MDN1: variants seen among roughly 807,000 people sequenced by gnomAD.
The protein encoded by MDN1 is midasin.
Under a neutral mutation model 669.2 loss-of-function variants are expected in MDN1, and 266 were observed. That is an observed-to-expected ratio of 0.40 (90% CI 0.36 to 0.44). MDN1 has a LOEUF of 0.44. Among genes scored for constraint, MDN1 ranks in the 20% least tolerant of loss-of-function variants. The pLI is 1.00. For synonymous variants in MDN1, 2,385 were observed against 2,457.1 expected, an observed-to-expected ratio of 0.97 and a Z score of 0.87; for missense variants, 5,940 against 6,754.0, an observed-to-expected ratio of 0.88 and a Z score of 4.22.
At chr6:89,750,218 G>T in intron 24 of MDN1, 136 bp downstream of exon 24, 1 of 841,234 alleles carries the variant, frequency 1.2e-6, no homozygotes, top group Non-Finnish European at 1.8e-6. Flanking sequence ...AACTATCTTA[G>T]CTCAGGCATC....
chr6:89,722,949 A>G lies in MDN1; in HGVS notation c.5967+6T>C, dbSNP rs368912195. 66 of 1,605,758 alleles carry G rather than the reference A, an allele frequency of 4.1e-5. No homozygotes were observed. The African/African-American group carries it at 4.3e-4, about 10-fold the overall frequency. On this transcript the variant is annotated splice_donor_region_variant and intron_variant, in intron 40 of 101. Coordinates refer to ENST00000369393, the MANE Select transcript of MDN1 (RefSeq NM_014611.3). ...AAGAAATACAAATACCAAGCGTGAA[A>G]CTCACCTTTTTTTTGTCCTCTTCGG...
rs144323427 is a variant in MDN1, at chr6:89,802,868, C to A, written c.329+460G>T. 2.0e-5 allele frequency among the ~76,000 whole-genome samples: 3 copies of A among 152,292 alleles called. No individual in the cohort carries two copies. The East Asian group carries it at 5.8e-4, about 29-fold the overall frequency. ...ATCTCTTTAAAAGTCACATTAAAAT[C>A]CAGCTCTAACACAGCTCTTAGTATA... is the stretch of plus-strand genomic sequence containing the variant. On this transcript the variant is annotated intron_variant, in intron 2 of 101. Transcript: ENST00000369393.
chr6:89,682,776 CAA>C (rs1168971439), intron 73 of MDN1, among the ~76,000 whole-genome samples: 3 of 35,282 alleles, frequency 8.5e-5, no homozygotes, highest in Non-Finnish European at 1.1e-4. Context: ...CTCATCTCTA[CAA>C]AAAAAAAAAA....
At chr6:89,727,447 T>G (rs1815310444) in intron 37 of MDN1, among the ~76,000 whole-genome samples, 1 of 152,196 alleles carries the variant, frequency 6.6e-6, no homozygotes, top group Admixed American at 6.5e-5. Context: ...CTCATTTCAG[T>G]AGGTCATTTT....
intron 30 of MDN1, 144 bp downstream of exon 30, chr6:89,743,432 G>A (rs1816398446): frequency 7.4e-6 from 10 of 1,345,186 alleles, no homozygotes; most frequent in Non-Finnish European, 1.0e-5. Context: ...CAGAATGCTT[G>A]TGAAGGCCCT....
intron 8 of MDN1, among the ~76,000 whole-genome samples, chr6:89,786,203 G>A (rs962769201): frequency 6.6e-6 from 1 of 152,138 alleles, no homozygotes; most frequent in African/African-American, 2.4e-5. Context: ...AGGTTGCAGT[G>A]AGCCAAATCA....
At chr6:89,681,331 GC>G (rs1344947699) in intron 73 of MDN1, among the ~76,000 whole-genome samples, 2 of 152,078 alleles carry the variant, frequency 1.3e-5, no homozygotes, top group Non-Finnish European at 2.9e-5. Flanking sequence ...GCATCACCAT[GC>G]CTGGCTATTT....
chr6:89,786,082 C>A (rs1818942340), intron 8 of MDN1, among the ~76,000 whole-genome samples: 1 of 151,754 alleles, frequency 6.6e-6, no homozygotes, highest in African/African-American at 2.4e-5. Flanking sequence ...GGCAACATGG[C>A]AAAACCCCAT....
At chr6:89,718,105 C>T (rs574957147) in intron 43 of MDN1, among the ~76,000 whole-genome samples, 1 of 152,244 alleles carries the variant, frequency 6.6e-6, no homozygotes, top group Non-Finnish European at 1.5e-5. Flanking sequence ...GTTTTACATG[C>T]TGTTTTATCA....
rs768870809 is a variant in MDN1, at chr6:89,672,216, G to A, written c.13778C>T (p.Thr4593Ile). Reference sequence around the variant, plus strand: ...GTTAGTTACCAGGTGCTTTGCTGCTGTGCCATCCTCACCGTACGATTTCAG... The same window carrying A: ...GTTAGTTACCAGGTGCTTTGCTGCTATGCCATCCTCACCGTACGATTTCAG... Reference protein sequence around the residue: ...ERLKSYGEDGTAAKHLFFSQS... With the variant: ...ERLKSYGEDGIAAKHLFFSQS... Residue 4593 changes from threonine (T) to isoleucine (I), a missense_variant, in exon 82 of 102, where the codon ACA (threonine) becomes ATA (isoleucine). Thr to Ile is a moderately conservative substitution (Grantham distance 89). Coordinates refer to ENST00000369393, the MANE Select transcript of MDN1 (RefSeq NM_014611.3). 1.6e-5 allele frequency: 25 copies of A among 1,592,058 alleles called. No homozygotes were observed. The highest frequency in any genetic ancestry group is 3.3e-4 in the Middle Eastern group (2 of 6,012).
intron 69 of MDN1, among the ~76,000 whole-genome samples, chr6:89,686,357 G>A (rs536444567): frequency 8.5e-5 from 13 of 152,160 alleles, no homozygotes; most frequent in African/African-American, 3.1e-4. Flanking sequence ...CCTGGGAGGC[G>A]GAGATTGCAG....
At chr6:89,756,182 G>T in intron 20 of MDN1, 95 bp downstream of exon 20, 2 of 565,128 alleles carry the variant, frequency 3.5e-6, no homozygotes, top group Non-Finnish European at 6.1e-6. Context: ...TCTCAAGTTA[G>T]AAGTAAAAAA....
At position 89,684,898 on chromosome 6, in the gene MDN1, G is replaced by T. The variant is rs1245220248; in HGVS notation, c.11807C>A (p.Ser3936Tyr). The change falls in exon 71 of 102, where the codon TCC (serine) becomes TAC (tyrosine). Residue 3936 changes from serine to tyrosine, a missense_variant. Physicochemically the swap from Ser to Tyr is moderately radical, Grantham distance 144. Around this residue, in one of 5 missense-constraint regions of MDN1, gnomAD observed 2,280 missense variants for 2,576.3 expected, o/e 0.88. Transcript: ENST00000369393. ...RVQAKIVELR[S>Y]PLEKELKEFV... ...TACTTTAAGTTCTTTTTCTAGGGGG[G>T]AACGAAGTTCCACAATTTTGGCCTG... 6.2e-7 allele frequency: 1 copy of T among 1,608,860 alleles called. No individual in the cohort carries two copies. Among genetic ancestry groups the T allele is most frequent in the Non-Finnish European group, 8.5e-7 (1 of 1,175,430 alleles).
chr6:89,750,574 A>G, intron 23 of MDN1, 42 bp from the exon 24 acceptor site: 1 of 1,554,226 alleles, frequency 6.4e-7, no homozygotes, highest in Non-Finnish European at 8.8e-7. Context: ...AACAACAAAA[A>G]ATTACAAAGC....
At chr6:89,650,481 T>C (rs987655598) in intron 96 of MDN1, among the ~76,000 whole-genome samples, 1 of 152,220 alleles carries the variant, frequency 6.6e-6, no homozygotes. Flanking sequence ...TTTGAAAAGA[T>C]CTAGGTGAGT....
At position 89,701,553 on chromosome 6, in the gene MDN1, T is replaced by G; in HGVS notation, c.8427+5A>C. ...CTTTTATTTACTAAATGCTTCCAGG[T>G]GTACCTTAAAAGGAAACGGTCGTCC... On this transcript the variant is annotated splice_donor_5th_base_variant and intron_variant, in intron 55 of 101. Transcript: ENST00000369393. The G allele has an allele frequency of 6.2e-7, 1 of 1,613,710 alleles. No homozygotes were observed. The highest frequency in any genetic ancestry group is 8.5e-7 in the Non-Finnish European group (1 of 1,179,910).
In MDN1 at chr6:89,776,608, T is replaced by C; in HGVS notation, c.1813A>G (p.Arg605Gly). The C allele has an allele frequency of 6.2e-7, 1 of 1,607,262 alleles. No individual in the cohort carries two copies. The highest frequency in any genetic ancestry group is 8.5e-7 in the Non-Finnish European group (1 of 1,175,522). The change falls in exon 12 of 102, where the codon AGA becomes GGA. Residue 605 changes from arginine (R) to glycine (G), a missense_variant. By Grantham distance (125) the Arg-to-Gly change is moderately radical (BLOSUM62 -2). Coordinates refer to ENST00000369393, the MANE Select transcript of MDN1 (RefSeq NM_014611.3). ...AAAAACAGCACACATACCTTTTTTCTAGAAATGTTCAATTTGCTTCCAATA... is the reference window on the plus strand; with the variant it reads ...AAAAACAGCACACATACCTTTTTTCCAGAAATGTTCAATTTGCTTCCAATA... ...EVIGSKLNIS[R>G]KKAEFFCQLY...
intron 50 of MDN1, among the ~76,000 whole-genome samples, chr6:89,709,255 C>T (rs142835186): frequency 3.3e-5 from 5 of 152,208 alleles, no homozygotes; most frequent in African/African-American, 4.8e-5. Flanking sequence ...GCTGGCAGGA[C>T]GGTTCAGTGG....
At position 89,750,534 on chromosome 6, in the gene MDN1, T is replaced by C; in HGVS notation, c.3228-2A>G. The C allele has an allele frequency of 6.3e-7, 1 of 1,596,500 alleles. No homozygotes were observed. Among genetic ancestry groups the C allele is most frequent in the Non-Finnish European group, 8.6e-7 (1 of 1,167,030 alleles). On this transcript the variant is annotated splice_acceptor_variant, in intron 23 of 101. Transcript: ENST00000369393. LOFTEE classifies it high-confidence loss of function. ...CCCTGAATCAGCACTGGATAGGTTC[T>C]GTAAAAGATTAGCCAATTAAGCAAC...
Sources: allele counts gnomAD v4.1 joint callset (sites outside exome capture counted in the v4.1 genomes callset), GRCh38; gene constraint gnomAD v4.1.1; regional missense constraint gnomAD v4.1.1; transcripts MANE v1.5; gene names NCBI Gene and HGNC (gene_info 2026-07-23, HGNC 2026-07-21).